The following NLGN1 variants were observed in gnomAD, a reference collection of about 807,000 sequenced individuals.
The protein encoded by NLGN1 is neuroligin-1.
NLGN1 carries 12 observed loss-of-function variants against 65.5 expected under a neutral mutation model. The ratio of observed to expected loss-of-function variants is 0.18; its 90% CI spans 0.12 to 0.30. The LOEUF (loss-of-function observed/expected upper bound fraction) is 0.30, where lower values mean the gene tolerates loss of function less well. Among genes scored for constraint, NLGN1 ranks in the 10% least tolerant of loss-of-function variants. The probability of loss-of-function intolerance (pLI) is 1.00; values close to 1 mark genes in which losing one functional copy is unlikely to be tolerated. For missense variants in NLGN1, 750 were observed against 1,007.1 expected (o/e 0.74, Z 3.46); for synonymous variants, 350 against 359.5 (o/e 0.97, Z 0.30).
chr3:173,527,057 G>A (rs1735768228), intron 2 of NLGN1, among the ~76,000 whole-genome samples: 1 of 152,182 alleles, frequency 6.6e-6, no homozygotes, highest in Non-Finnish European at 1.5e-5. Flanking sequence ...CAATAAACAT[G>A]GGAATGCAGA....
chr3:174,216,547 GC>G (rs1737654172), intron 4 of NLGN1, among the ~76,000 whole-genome samples: 1 of 152,056 alleles, frequency 6.6e-6, no homozygotes, highest in East Asian at 1.9e-4. Flanking sequence ...AGATAGATGT[GC>G]CCCTTTCTGA....
chr3:173,629,793 A>C (rs1395934359), intron 3 of NLGN1, among the ~76,000 whole-genome samples: 1 of 152,144 alleles, frequency 6.6e-6, no homozygotes, highest in Non-Finnish European at 1.5e-5. Flanking sequence ...GCTTAAAAAA[A>C]AGAGACACGA....
intron 4 of NLGN1, among the ~76,000 whole-genome samples, chr3:174,125,726 A>G (rs1428499614): frequency 6.6e-6 from 1 of 152,134 alleles, no homozygotes; most frequent in Non-Finnish European, 1.5e-5. Flanking sequence ...ATACGGTGAT[A>G]AAAGAAGCAG....
intron 4 of NLGN1, among the ~76,000 whole-genome samples, chr3:174,160,330 CCTAAATACAT>C (rs1365081242): frequency 6.6e-6 from 1 of 151,604 alleles, no homozygotes; most frequent in Non-Finnish European, 1.5e-5. Flanking sequence ...ATTCCTCTCT[CCTAAATACAT>C]CAGCATTCCT....
Position 173,854,268 on chromosome 3 carries a change from T to A in NLGN1, c.646+46436T>A, listed in dbSNP as rs1228335880. Among the ~76,000 whole-genome samples, 108 of 152,188 alleles carry A rather than the reference T, an allele frequency of 7.1e-4. 1 individual carries two copies. The highest frequency in any genetic ancestry group is 5.9e-5 in the Non-Finnish European group (4 of 67,924). On this transcript the variant is annotated intron_variant, in intron 4 of 6. Coordinates refer to ENST00000457714, the Ensembl canonical transcript of NLGN1. ...CTCATTTTAATTAAAGTAATCATAT[T>A]TGCTACCTAAATTTGTTGTCCTATT...
intron 1 of NLGN1, among the ~76,000 whole-genome samples, chr3:173,412,933 C>T (rs946017470): frequency 1.3e-5 from 2 of 152,122 alleles, no homozygotes; most frequent in Non-Finnish European, 1.5e-5. Context: ...TCGCTTTCCA[C>T]GTAACAGTAA....
intron 3 of NLGN1, among the ~76,000 whole-genome samples, chr3:173,804,657 C>A (rs370479553): frequency 2.1e-3 from 296 of 137,696 alleles, no homozygotes; most frequent in Non-Finnish European, 2.6e-3. Context: ...CTATTTACAT[C>A]AAAAAAAAAA....
At chr3:173,455,152 T>TA (rs1345204785) in intron 2 of NLGN1, among the ~76,000 whole-genome samples, 7 of 152,312 alleles carry the variant, frequency 4.6e-5, no homozygotes, top group African/African-American at 1.7e-4. Flanking sequence ...TTGCTATTAA[T>TA]AAATACCTGA....
At chr3:173,523,729 G>A (rs777123695) in intron 2 of NLGN1, among the ~76,000 whole-genome samples, 4 of 151,380 alleles carry the variant, frequency 2.6e-5, no homozygotes, top group Non-Finnish European at 5.9e-5. Flanking sequence ...TATTGCTTTA[G>A]CTATTTAGGC....
chr3:173,965,060 C>T (rs1293271497), intron 4 of NLGN1, among the ~76,000 whole-genome samples: 3 of 151,968 alleles, frequency 2.0e-5, no homozygotes, highest in South Asian at 2.1e-4. Flanking sequence ...TTTTGGTTCC[C>T]GAGTTGCTTA....
chr3:174,000,862 G>T (rs1181067648), intron 4 of NLGN1, among the ~76,000 whole-genome samples: 1 of 152,110 alleles, frequency 6.6e-6, no homozygotes, highest in Non-Finnish European at 1.5e-5. Flanking sequence ...TTAGCAGTGG[G>T]CCAGAATTAA....
intron 4 of NLGN1, among the ~76,000 whole-genome samples, chr3:174,229,320 T>A (rs367669261): frequency 1.1e-4 from 16 of 152,236 alleles, no homozygotes; most frequent in Admixed American, 4.6e-4. Flanking sequence ...CAAGTTTTTT[T>A]AAAATGTGCA....
intron 4 of NLGN1, among the ~76,000 whole-genome samples, chr3:174,001,551 G>C (rs1482932415): frequency 1.3e-5 from 2 of 152,056 alleles, no homozygotes; most frequent in African/African-American, 2.4e-5. Context: ...TGTATTGTAG[G>C]GGTTAAGAGG....
At chr3:173,573,309 TG>T (rs1744947271) in intron 2 of NLGN1, among the ~76,000 whole-genome samples, 1 of 152,128 alleles carries the variant, frequency 6.6e-6, no homozygotes, top group Non-Finnish European at 1.5e-5. Flanking sequence ...GCTTAAGAAC[TG>T]AGTACAATAT....
chr3:174,078,207 A>G (rs66480258), intron 4 of NLGN1, among the ~76,000 whole-genome samples: 24,061 of 152,188 alleles, frequency 0.16, 1,956 homozygotes, highest in East Asian at 0.2. Context: ...TAATTAATGT[A>G]TAGCATGTAA....
intron 3 of NLGN1, among the ~76,000 whole-genome samples, chr3:173,684,530 G>C (rs577218626): frequency 4.6e-5 from 7 of 152,244 alleles, no homozygotes; most frequent in Non-Finnish European, 1.0e-4. Context: ...ACATATCTGG[G>C]CTTTGAAAAA....
intron 2 of NLGN1, among the ~76,000 whole-genome samples, chr3:173,539,795 T>TA (rs762360150): frequency 2.7e-3 from 223 of 84,088 alleles, no homozygotes; most frequent in African/African-American, 0.013. Flanking sequence ...TGTACATATA[T>TA]ACATATATAT....
chr3:174,050,054 A>G (rs1267097467), intron 4 of NLGN1, among the ~76,000 whole-genome samples: 1 of 152,174 alleles, frequency 6.6e-6, no homozygotes, highest in Non-Finnish European at 1.5e-5. Flanking sequence ...AATGAAAATT[A>G]GAGGCCATTT....
chr3:173,558,863 A>C (rs185968007), intron 2 of NLGN1, among the ~76,000 whole-genome samples: 15 of 151,502 alleles, frequency 9.9e-5, no homozygotes, highest in African/African-American at 3.2e-4. Context: ...TGTCTAATAG[A>C]AAAGTGAATA....
Sources: gnomAD v4.1 joint callset for allele counts (sites outside exome capture counted in the v4.1 genomes callset) on GRCh38, gnomAD v4.1.1 for gene constraint, MANE v1.5 for transcripts, NCBI Gene and HGNC (gene_info 2026-07-23, HGNC 2026-07-21) for gene names.